The following SLC9A5 variants were observed in gnomAD, a reference collection of about 807,000 sequenced individuals.
The protein encoded by SLC9A5 is sodium/hydrogen exchanger 5.
In SLC9A5, 52 loss-of-function variants were observed where a neutral mutation model predicts 91.7. The ratio of observed to expected loss-of-function variants is 0.57; its 90% confidence interval spans 0.45 to 0.71. The LOEUF is 0.71. SLC9A5 is among the 30% of genes least tolerant of loss of function. The pLI is 0.00. For synonymous variants in SLC9A5, 419 were observed against 474.5 expected (o/e 0.88, Z 1.52); for missense variants, 871 against 1,158.9 (o/e 0.75, Z 3.61).
chr16:67,255,460 T>C lies in SLC9A5; in HGVS notation c.722T>C (p.Leu241Pro). 6.2e-7 allele frequency: 1 copy of C among 1,614,102 alleles called. No homozygotes were observed. Reference protein sequence around the residue: ...GSANVQATDYLKGVASLFVVS... With the variant: ...GSANVQATDYPKGVASLFVVS... ...GCCAATGTGCAGGCCACTGACTACC[T>C]GAAGGGAGTCGGTCAGTATTTCCCC... Residue 241 changes from leucine (L) to proline (P), a missense_variant, in exon 4 of 16, where the codon CTG (leucine) becomes CCG (proline). Leu to Pro is a moderately conservative substitution (Grantham distance 98). Coordinates refer to ENST00000299798, the MANE Select transcript of SLC9A5 (RefSeq NM_004594.3). The surrounding 1 kb of genome is among the most constrained non-coding windows in gnomAD (Gnocchi z 4.9).
In SLC9A5 at chr16:67,258,212, T is replaced by G. The variant is rs1364777919; in HGVS notation, c.1497-106T>G. On this transcript the variant is annotated intron_variant, in intron 9 of 15. Transcript: ENST00000299798. The surrounding 1 kb of genome is among the most constrained non-coding windows in gnomAD (Gnocchi z 4.5). ...ATTCTCTCTGGCTGAGGCCCATATC[T>G]AAAAAGCCAGGCCAGTGCTGACGGT... The G allele has an allele frequency of 8.2e-7, 1 of 1,212,398 alleles. No homozygotes were observed. Among genetic ancestry groups the G allele is most frequent in the Non-Finnish European group, 1.2e-6 (1 of 848,420 alleles). 75.1% of individuals were successfully genotyped at this position (1,212,398 alleles called of 1,614,324 possible).
rs2142400249 is a variant in SLC9A5, at chr16:67,271,255, G to A, written c.*45G>A. 3 of 1,522,532 alleles carry A rather than the reference G, an allele frequency of 2.0e-6. No individual in the cohort carries two copies. The highest frequency in any genetic ancestry group is 1.8e-5 in the Admixed American group (1 of 54,562). 94.3% of individuals were successfully genotyped at this position (1,522,532 alleles called of 1,614,324 possible). On this transcript the variant is annotated 3_prime_UTR_variant, in exon 16 of 16. Coordinates refer to ENST00000299798, the MANE Select transcript of SLC9A5 (RefSeq NM_004594.3). ...GCAGGAGGTGGAATCCCTGTGGGAA[G>A]TGCTCCCTGGGTGATGGGTAGAGCC...
intron 12 of SLC9A5, chr16:67,263,815 G>A (rs1478190962): frequency 6.5e-6 from 1 of 154,886 alleles, no homozygotes; most frequent in African/African-American, 2.4e-5. Context: ...CAGATGATGG[G>A]GGTGATCCTG....
intron 10 of SLC9A5, among the ~76,000 whole-genome samples, chr16:67,259,085 C>A (rs2035424203): frequency 6.6e-6 from 1 of 151,858 alleles, no homozygotes; most frequent in South Asian, 2.1e-4. Context: ...ATAGTGAAAC[C>A]CCGTCTCTAC....
intron 12 of SLC9A5, 37 bp downstream of exon 12, chr16:67,259,983 G>A (rs1334626033): frequency 6.2e-6 from 10 of 1,602,770 alleles, no homozygotes; most frequent in Non-Finnish European, 8.5e-6. Flanking sequence ...TGAGGGGGTG[G>A]AGGTGGTCTG....
Position 67,255,681 on chromosome 16 carries a change from C to A in SLC9A5, c.734-72C>A. The A allele has an allele frequency of 1.3e-6, 2 of 1,481,704 alleles. No individual in the cohort carries two copies. The highest frequency in any genetic ancestry group is 9.1e-7 in the Non-Finnish European group (1 of 1,096,052). 91.8% of individuals were successfully genotyped at this position (1,481,704 alleles called of 1,614,324 possible). A position where few individuals can be genotyped will look rare whatever the true frequency, so the allele number is the denominator to read the frequency against. ...GGTGGGCATCATCCCTCACTCCCTG[C>A]CAGGCAGCAGTCTTGTCAGCCCGGG... On this transcript the variant is annotated intron_variant, in intron 4 of 15. Transcript: ENST00000299798. The surrounding 1 kb of genome is among the most constrained non-coding windows in gnomAD (Gnocchi z 4.9).
In SLC9A5 at chr16:67,258,373, T is replaced by C; in HGVS notation, c.1552T>C (p.Tyr518His). 1 of 1,614,090 alleles carries C rather than the reference T, an allele frequency of 6.2e-7. No homozygotes were observed. The highest frequency in any genetic ancestry group is 8.5e-7 in the Non-Finnish European group (1 of 1,179,946). ...TCAGCTGCTGATGCGACGATCAGCC[T>C]ACCGCATCCGGGACCAGATCTGGGA... ...LSQLLMRRSAYRIRDQIWDVY... is the reference protein window; with the variant it reads ...LSQLLMRRSAHRIRDQIWDVY... Residue 518 changes from tyrosine to histidine, a missense_variant, in exon 10 of 16, where the codon TAC becomes CAC. Tyr to His is a moderately conservative substitution (Grantham distance 83). Coordinates refer to ENST00000299798, the MANE Select transcript of SLC9A5 (RefSeq NM_004594.3). This position sits in a 1 kb window ranked among gnomAD's most constrained non-coding sequence, Gnocchi z 4.5.
In SLC9A5 at chr16:67,248,988, C is replaced by T. The variant is rs1270718711; in HGVS notation, c.-27C>T. ...CGCGGGGCCGGCGGCCGTGCGGTGC[C>T]GGGAGGGCGGCTGGGCAGGCGGCAG... On this transcript the variant is annotated 5_prime_UTR_variant, in exon 1 of 16. Transcript: ENST00000299798. The surrounding 1 kb of genome is among the most constrained non-coding windows in gnomAD (Gnocchi z 5.3). The T allele has an allele frequency of 4.9e-6, 6 of 1,227,690 alleles. No homozygotes were observed. In the East Asian group the frequency reaches 2.1e-4, roughly 42 times the overall value. 76.0% of individuals were successfully genotyped at this position (1,227,690 alleles called of 1,614,324 possible).
chr16:67,256,585 T>C lies in SLC9A5; in HGVS notation c.1028T>C (p.Ile343Thr). Residue 343 changes from isoleucine to threonine, a missense_variant, in exon 6 of 16, where the codon ATC becomes ACC. Coordinates refer to ENST00000299798, the MANE Select transcript of SLC9A5 (RefSeq NM_004594.3). This position sits in a 1 kb window ranked among gnomAD's most constrained non-coding sequence, Gnocchi z 4.1. Reference protein sequence around the residue: ...KTLASCAETVIFMLLGISAVD... With the variant: ...KTLASCAETVTFMLLGISAVD... ...CTAGCCAGCTGTGCTGAGACCGTGA[T>C]CTTCATGCTGCTTGGCATCTCAGCC... 1 of 1,614,164 alleles carries C rather than the reference T, an allele frequency of 6.2e-7. No individual in the cohort carries two copies. The highest frequency in any genetic ancestry group is 1.1e-5 in the South Asian group (1 of 91,088).
In SLC9A5 at chr16:67,252,225, G is replaced by A. The variant is rs1026812064; in HGVS notation, c.188-317G>A. ...AGCACTTTGGGAGGCCAAGGTGGGCGGATCATGAGGTCAGGAGTTCAAGAC... is the reference window on the plus strand; with the variant it reads ...AGCACTTTGGGAGGCCAAGGTGGGCAGATCATGAGGTCAGGAGTTCAAGAC... On this transcript the variant is annotated intron_variant, in intron 1 of 15. Transcript: ENST00000299798. This position sits in a 1 kb window ranked among gnomAD's most constrained non-coding sequence, Gnocchi z 4.0. Among the ~76,000 whole-genome samples, 6 of 152,054 alleles carry A rather than the reference G, an allele frequency of 3.9e-5. No individual in the cohort carries two copies. The highest frequency in any genetic ancestry group is 4.2e-4 in the South Asian group (2 of 4,818).
In SLC9A5 at chr16:67,266,161, C is replaced by T. The variant is rs373652315; in HGVS notation, c.2154C>T (p.Asp718=). Residue 718 remains aspartate (D), a synonymous_variant, in exon 15 of 16, where the codon GAC becomes GAT. Coordinates refer to ENST00000299798, the MANE Select transcript of SLC9A5 (RefSeq NM_004594.3). ...ESDSSETEKE[D]DEGIIFVARA... ...ACAGTTCAGAGACAGAGAAGGAGGA[C>T]GATGAGGGGATCATCTTTGTGGCTC... 5.1e-5 allele frequency: 82 copies of T among 1,611,096 alleles called. No individual in the cohort carries two copies. In the African/African-American group the frequency reaches 8.3e-4, roughly 16 times the overall value.
At chr16:67,265,390 A>G (rs573872174) in intron 14 of SLC9A5, among the ~76,000 whole-genome samples, 1 of 151,960 alleles carries the variant, frequency 6.6e-6, no homozygotes, top group Admixed American at 6.6e-5. Context: ...GGATGGGTGG[A>G]CTCTGGGGCC....
intron 11 of SLC9A5, 51 bp downstream of exon 11, chr16:67,259,712 T>C (rs947289889): frequency 1.9e-6 from 3 of 1,593,906 alleles, no homozygotes; most frequent in Non-Finnish European, 2.6e-6. Flanking sequence ...CATTGTGCCC[T>C]CTCTCTGAGT....
chr16:67,249,256 ACACCC>A, intron 1 of SLC9A5, 55 bp downstream of exon 1: 1 of 1,305,832 alleles, frequency 7.7e-7, no homozygotes, highest in Non-Finnish European at 9.9e-7. Context: ...CCCGCCCCCA[ACACCC>A]CCACCTCCTC....
In SLC9A5 at chr16:67,255,442, T is replaced by C; in HGVS notation, c.704T>C (p.Val235Ala). 1 of 1,614,124 alleles carries C rather than the reference T, an allele frequency of 6.2e-7. No homozygotes were observed. Among genetic ancestry groups the C allele is most frequent in the Non-Finnish European group, 8.5e-7 (1 of 1,180,010 alleles). ...NSFVEMGSAN[V>A]QATDYLKGVA... is the part of the protein sequence containing the mutation. ...TTTGTGGAGATGGGCTCTGCCAATG[T>C]GCAGGCCACTGACTACCTGAAGGGA... Residue 235 changes from valine to alanine, a missense_variant, in exon 4 of 16, where the codon GTG (valine) becomes GCG (alanine). Physicochemically the swap from Val to Ala is moderately conservative, Grantham distance 64. This residue lies in a region of SLC9A5 where 454 missense variants were observed against 718.3 expected (regional missense o/e 0.63). Coordinates refer to ENST00000299798, the MANE Select transcript of SLC9A5 (RefSeq NM_004594.3). The surrounding 1 kb of genome is among the most constrained non-coding windows in gnomAD (Gnocchi z 4.9).
intron 15 of SLC9A5, among the ~76,000 whole-genome samples, chr16:67,269,769 G>A (rs2035857498): frequency 6.6e-6 from 1 of 152,202 alleles, no homozygotes; most frequent in South Asian, 2.1e-4. Context: ...GAGAGCTGGG[G>A]TGGTTGGTGG....
rs2035912643 is a variant in SLC9A5, at chr16:67,271,198, C to G, written c.2679C>G (p.Gly893=). The G allele has an allele frequency of 3.1e-6, 5 of 1,611,826 alleles. No homozygotes were observed. Among genetic ancestry groups the G allele is most frequent in the Non-Finnish European group, 3.4e-6 (4 of 1,179,896 alleles). The change falls in exon 16 of 16, where the codon GGC becomes GGG. Residue 893 remains glycine, a synonymous_variant. Coordinates refer to ENST00000299798, the MANE Select transcript of SLC9A5 (RefSeq NM_004594.3). ...ACTGGTGCATCCAGTTCAACAGAGG[C>G]AGCCGGCTGTAGCTCAAGGCCTCGG... ...TSHWCIQFNR[G]SRL
chr16:67,266,039 A>G (rs1329420119), intron 14 of SLC9A5, 49 bp from the exon 15 acceptor site: 2 of 1,604,566 alleles, frequency 1.2e-6, no homozygotes, highest in Non-Finnish European at 1.7e-6. Flanking sequence ...TAGTCCCAAC[A>G]GGCAGCTGCC....
In SLC9A5 at chr16:67,265,086, G is replaced by T; in HGVS notation, c.2060G>T (p.Gly687Val). ...GAGGCTACAAATGGGAAACATCGAG[G>T]CCTGGGCTTTCAGGACACAGGCAAG... ...NAEATNGKHR[G>V]LGFQDTAAVI... The change falls in exon 14 of 16, where the codon GGC (glycine) becomes GTC (valine). Residue 687 changes from glycine (G) to valine (V), a missense_variant. This residue lies in a region of SLC9A5 where 295 missense variants were observed against 326.0 expected (regional missense o/e 0.90). Coordinates refer to ENST00000299798, the MANE Select transcript of SLC9A5 (RefSeq NM_004594.3). 1.2e-6 allele frequency: 2 copies of T among 1,614,124 alleles called. No homozygotes were observed. The highest frequency in any genetic ancestry group is 1.7e-4 in the Middle Eastern group (1 of 6,060).
Sources: allele counts gnomAD v4.1 joint callset (sites outside exome capture counted in the v4.1 genomes callset), GRCh38; gene constraint gnomAD v4.1.1; regional missense constraint gnomAD v4.1.1; non-coding constraint Gnocchi (gnomAD v3.1); transcripts MANE v1.5; gene names NCBI Gene and HGNC (gene_info 2026-07-23, HGNC 2026-07-21).